Variants in PTPN14 observed in about 807,000 individuals in gnomAD.
The protein encoded by PTPN14 is protein tyrosine phosphatase non-receptor type 14, also known as tyrosine-protein phosphatase non-receptor type 14.
PTPN14 carries 53 observed loss-of-function variants against 126.8 expected under a neutral mutation model. That is an observed-to-expected ratio of 0.42 (90% CI 0.34 to 0.53). The LOEUF is 0.53. PTPN14 is among the 20% of genes least tolerant of loss of function. The pLI is 0.08. For missense variants in PTPN14, 1,257 were observed against 1,552.9 expected (o/e 0.81, Z 3.20); for synonymous variants, 630 against 599.3 (o/e 1.05, Z -0.75).
intron 1 of PTPN14, among the ~76,000 whole-genome samples, chr1:214,486,318 G>C (rs1248346578): frequency 5.9e-5 from 9 of 152,182 alleles, no homozygotes; most frequent in African/African-American, 1.7e-4. Context: ...AAACTTTACA[G>C]AGTCTAAGTA....
chr1:214,372,419 AT>A, intron 16 of PTPN14: 1 of 341,906 alleles, frequency 2.9e-6, no homozygotes, highest in Non-Finnish European at 5.5e-6. Context: ...AAAGTCTGTC[AT>A]TTTTGGTTTT....
chr1:214,398,345 G>A (rs1658934295), intron 7 of PTPN14, among the ~76,000 whole-genome samples: 1 of 152,214 alleles, frequency 6.6e-6, no homozygotes, highest in East Asian at 1.9e-4. Context: ...TGGGAGGAAT[G>A]GGGAGATGAT....
chr1:214,529,883 A>AATAT (rs943897942), intron 1 of PTPN14: 2 of 151,632 alleles, frequency 1.3e-5, no homozygotes, highest in African/African-American at 4.8e-5. Context: ...GTCTCAAAAA[A>AATAT]ATATATATAT....
chr1:214,496,972 G>A (rs372732807), intron 1 of PTPN14, among the ~76,000 whole-genome samples: 70 of 152,132 alleles, frequency 4.6e-4, no homozygotes, highest in African/African-American at 1.5e-3. Context: ...TTTTTAAATT[G>A]GAGGGTCTTT....
chr1:214,412,549 T>A (rs1179211237), intron 4 of PTPN14, among the ~76,000 whole-genome samples: 3 of 152,214 alleles, frequency 2.0e-5, no homozygotes, highest in Non-Finnish European at 4.4e-5. Flanking sequence ...AGGTGCAGCA[T>A]TCAAGAATAG....
intron 3 of PTPN14, among the ~76,000 whole-genome samples, chr1:214,432,376 CTTACAA>C (rs893752994): frequency 2.0e-5 from 3 of 152,128 alleles, no homozygotes; most frequent in African/African-American, 7.2e-5. Flanking sequence ...ATTTCTCAGC[CTTACAA>C]TTTGCTTTTC....
chr1:214,511,486 C>CA (rs112523413), intron 1 of PTPN14, among the ~76,000 whole-genome samples: 29,845 of 124,472 alleles, frequency 0.24, 3,885 homozygotes, highest in East Asian at 0.43. Context: ...TGGCCCTTAT[C>CA]AAAAAAAAAA....
intron 16 of PTPN14, 104 bp from the exon 17 acceptor site, chr1:214,369,795 C>A: frequency 2.0e-6 from 2 of 1,025,388 alleles, no homozygotes; most frequent in Non-Finnish European, 3.0e-6. Flanking sequence ...GCTTCTAAAT[C>A]GCTAGTTCAG....
intron 13 of PTPN14, among the ~76,000 whole-genome samples, chr1:214,380,052 C>T (rs1458862887): frequency 6.6e-6 from 1 of 152,244 alleles, no homozygotes; most frequent in Non-Finnish European, 1.5e-5. Context: ...TCTCTCAATT[C>T]TCGGGAACCC....
intron 1 of PTPN14, among the ~76,000 whole-genome samples, chr1:214,466,057 A>G (rs1172613868): frequency 1.4e-5 from 2 of 143,560 alleles, no homozygotes; most frequent in Non-Finnish European, 3.0e-5. Flanking sequence ...CCCAGGTCCA[A>G]GAGATTCTCC....
intron 1 of PTPN14, among the ~76,000 whole-genome samples, chr1:214,494,274 G>A (rs535497856): frequency 6.6e-6 from 1 of 152,054 alleles, no homozygotes; most frequent in Admixed American, 6.5e-5. Context: ...TAGCCAGGAT[G>A]GTATCTCTCG....
chr1:214,427,863 A>G (rs1411054822), intron 3 of PTPN14, among the ~76,000 whole-genome samples: 1 of 152,192 alleles, frequency 6.6e-6, no homozygotes, highest in Non-Finnish European at 1.5e-5. Context: ...AATGGCAAGT[A>G]GAAAGGCTTT....
intron 1 of PTPN14, among the ~76,000 whole-genome samples, chr1:214,494,456 C>A (rs1464622300): frequency 6.6e-6 from 1 of 152,242 alleles, no homozygotes; most frequent in African/African-American, 2.4e-5. Context: ...GAGAGGTTGG[C>A]GATTCCTGCC....
chr1:214,442,967 G>A (rs957429310), intron 3 of PTPN14, among the ~76,000 whole-genome samples: 1 of 152,068 alleles, frequency 6.6e-6, no homozygotes, highest in African/African-American at 2.4e-5. Context: ...GGGATTACAG[G>A]TATGTGCCAC....
In PTPN14 at chr1:214,383,233, A is replaced by G; in HGVS notation, c.2544+78T>C. 1 of 1,500,184 alleles carries G rather than the reference A, an allele frequency of 6.7e-7. No homozygotes were observed. The highest frequency in any genetic ancestry group is 9.0e-7 in the Non-Finnish European group (1 of 1,108,820). The allele number at this position is 1,500,184 out of a possible 1,614,324, so 92.9% of individuals were successfully genotyped here. On this transcript the variant is annotated intron_variant, in intron 13 of 18. Transcript: ENST00000366956. This position sits in a 1 kb window ranked among gnomAD's most constrained non-coding sequence, Gnocchi z 4.4. ...CTTAAAAACCTACCACGTTCCCTGC[A>G]TAAGCCCTGCCCCTTGCTCAGTGCC...
At chr1:214,473,728 G>C (rs1427449801) in intron 1 of PTPN14, among the ~76,000 whole-genome samples, 1 of 152,158 alleles carries the variant, frequency 6.6e-6, no homozygotes, top group Non-Finnish European at 1.5e-5. Flanking sequence ...GAAGGGATGA[G>C]GTGGGAGGGG....
At chr1:214,468,855 A>T (rs1265415452) in intron 1 of PTPN14, among the ~76,000 whole-genome samples, 4 of 152,198 alleles carry the variant, frequency 2.6e-5, no homozygotes. Context: ...TATCACAGGT[A>T]ATCTTTTCTG....
At chr1:214,533,812 G>A (rs1424440835) in intron 1 of PTPN14, among the ~76,000 whole-genome samples, 3 of 150,050 alleles carry the variant, frequency 2.0e-5, no homozygotes, top group Non-Finnish European at 3.0e-5. Flanking sequence ...ACTCCAGCCT[G>A]GGCGACAGAG....
rs988409509 is a variant in PTPN14 at position 214,418,004 on chromosome 1, C to T, written c.345-3278G>A. Among the ~76,000 whole-genome samples, 12 of 152,324 alleles carry T rather than the reference C, an allele frequency of 7.9e-5. 1 individual carries two copies. In the East Asian group the frequency reaches 1.9e-3, roughly 25 times the overall value. On this transcript the variant is annotated intron_variant, in intron 3 of 18. Coordinates refer to ENST00000366956, the MANE Select transcript of PTPN14 (RefSeq NM_005401.5). ...GACAGGAGGAGCAGGGCCCTTGCCACGGTTCCAAATGTCTGCTGCCTTCCC... is the reference window on the plus strand; with the variant it reads ...GACAGGAGGAGCAGGGCCCTTGCCATGGTTCCAAATGTCTGCTGCCTTCCC...
Sources: allele counts gnomAD v4.1 joint callset (sites outside exome capture counted in the v4.1 genomes callset), GRCh38; gene constraint gnomAD v4.1.1; non-coding constraint Gnocchi (gnomAD v3.1); transcripts MANE v1.5; gene names NCBI Gene and HGNC (gene_info 2026-07-23, HGNC 2026-07-21).